The following GPR155 variants were observed in gnomAD, a reference collection of about 807,000 sequenced individuals.
The protein encoded by GPR155 is lysosomal cholesterol signaling protein.
Under a neutral mutation model 93.1 loss-of-function variants are expected in GPR155, and 65 were observed. The observed-to-expected ratio is 0.70, with a 90% CI of 0.57 to 0.86. The LOEUF (loss-of-function observed/expected upper bound fraction) is 0.86, where lower values mean the gene tolerates loss of function less well. GPR155 is among the 40% of genes least tolerant of loss of function. GPR155 has a pLI of 0.00. For synonymous variants in GPR155, 319 were observed against 360.1 expected, an observed-to-expected ratio of 0.89 and a Z score of 1.29; for missense variants, 838 against 1,034.8, an observed-to-expected ratio of 0.81 and a Z score of 2.61.
chr2:174,448,151 G>A (rs1315917272), intron 11 of GPR155, among the ~76,000 whole-genome samples: 2 of 152,038 alleles, frequency 1.3e-5, no homozygotes, highest in Non-Finnish European at 2.9e-5. Context: ...TGAGATGGGC[G>A]GATCACTTGA....
At chr2:174,485,978 C>A (rs1688466421) in intron 1 of GPR155, among the ~76,000 whole-genome samples, 1 of 152,196 alleles carries the variant, frequency 6.6e-6, no homozygotes, top group South Asian at 2.1e-4. Context: ...CATAAACGAA[C>A]CACTGATACT....
rs1241119894 is a variant in GPR155, at chr2:174,435,675, T to C, written c.*441A>G. 6.5e-6 allele frequency: 1 copy of C among 153,466 alleles called. No homozygotes were observed. Among genetic ancestry groups the C allele is most frequent in the African/African-American group, 2.4e-5 (1 of 41,414 alleles). The allele number at this position is 153,466 out of a possible 1,614,324, so 9.5% of individuals were successfully genotyped here. On this transcript the variant is annotated 3_prime_UTR_variant, in exon 16 of 16. Coordinates refer to ENST00000392552, the MANE Select transcript of GPR155 (RefSeq NM_152529.7). ...TTATAGTAGAGACGGGGTTTCGCCATGTTGGCCAGGCTGGTCTTGAACTCC... is the reference window on the plus strand; with the variant it reads ...TTATAGTAGAGACGGGGTTTCGCCACGTTGGCCAGGCTGGTCTTGAACTCC...
Position 174,432,620 on chromosome 2 carries a change from TAAA to T in GPR155, c.*3493_*3495del, listed in dbSNP as rs1265058579. The T allele has an allele frequency of 6.6e-6, 1 of 152,158 alleles. No homozygotes were observed. The highest frequency in any genetic ancestry group is 1.5e-5 in the Non-Finnish European group (1 of 68,028). 9.4% of individuals were successfully genotyped at this position (152,158 alleles called of 1,614,324 possible). ...ATTCAGAGTCATAATATGGTCTTAT[TAAA>T]AAAGGAAAGTTCCGCAGCAAGACAA... is the stretch of plus-strand genomic sequence containing the variant. On this transcript the variant is annotated 3_prime_UTR_variant, in exon 16 of 16. Coordinates refer to ENST00000392552, the MANE Select transcript of GPR155 (RefSeq NM_152529.7).
intron 7 of GPR155, among the ~76,000 whole-genome samples, chr2:174,463,048 G>A (rs1242360226): frequency 6.6e-6 from 1 of 151,768 alleles, no homozygotes; most frequent in Non-Finnish European, 1.5e-5. Flanking sequence ...CAGATTTGTG[G>A]ACCCCTAGGG....
In GPR155 at chr2:174,468,550, T is replaced by C. The variant is rs567178854; in HGVS notation, c.1182+362A>G. The stretch of plus-strand genomic sequence containing the variant: ...TTTGCAGAATGCTTTTCACATATAT[T>C]ATTTCATGTAACCCCTTAAAAAACC... On this transcript the variant is annotated intron_variant, in intron 5 of 15. Transcript: ENST00000392552. Among the ~76,000 whole-genome samples, 9 of 152,362 alleles carry C rather than the reference T, an allele frequency of 5.9e-5. No individual in the cohort carries two copies. In the South Asian group the frequency reaches 1.9e-3, roughly 32 times the overall value.
chr2:174,436,058 A>G lies in GPR155; in HGVS notation c.*58T>C, dbSNP rs901616460. The G allele has an allele frequency of 2.6e-5, 38 of 1,463,912 alleles. No individual in the cohort carries two copies. In the Middle Eastern group the frequency reaches 6.0e-4, roughly 23 times the overall value. 90.7% of individuals were successfully genotyped at this position (1,463,912 alleles called of 1,614,324 possible). A position where few individuals can be genotyped will look rare whatever the true frequency, so the allele number is the denominator to read the frequency against. On this transcript the variant is annotated 3_prime_UTR_variant, in exon 16 of 16. Coordinates refer to ENST00000392552, the MANE Select transcript of GPR155 (RefSeq NM_152529.7). The stretch of plus-strand genomic sequence containing the variant: ...TAACTTGCCCAAGGTCACCCAGCTA[A>G]AAACTAATGAATACGCGGCTAGAAT...
At chr2:174,470,584 C>G in intron 3 of GPR155, 29 bp from the exon 4 acceptor site, 1 of 1,600,798 alleles carries the variant, frequency 6.2e-7, no homozygotes, top group Non-Finnish European at 8.5e-7. Context: ...CATCATTTAC[C>G]TGATATCAAA....
chr2:174,470,667 A>AT, intron 3 of GPR155, 112 bp from the exon 4 acceptor site: 1 of 793,712 alleles, frequency 1.3e-6, no homozygotes, highest in East Asian at 2.6e-5. Flanking sequence ...AGGTATGTCT[A>AT]TTTGCATGCA....
At chr2:174,438,283 G>A (rs1219140609) in intron 15 of GPR155, among the ~76,000 whole-genome samples, 2 of 152,034 alleles carry the variant, frequency 1.3e-5, no homozygotes, top group Non-Finnish European at 2.9e-5. Flanking sequence ...CAAAGTGGCA[G>A]AGAATGTGAC....
rs2105649844 is a variant in GPR155 at position 174,432,894 on chromosome 2, G to A, written c.*3222C>T. 6.6e-6 allele frequency: 1 copy of A among 151,084 alleles called. No homozygotes were observed. The highest frequency in any genetic ancestry group is 1.5e-5 in the Non-Finnish European group (1 of 67,974). The allele number at this position is 151,084 out of a possible 1,614,324, so 9.4% of individuals were successfully genotyped here. A position where few individuals can be genotyped will look rare whatever the true frequency, so the allele number is the denominator to read the frequency against. The stretch of plus-strand genomic sequence containing the variant: ...TTCTCCTGCCTCAGCCTCCCGAGTA[G>A]CTGGGACTATAGGTGCCCACCACCA... On this transcript the variant is annotated 3_prime_UTR_variant, in exon 16 of 16. Coordinates refer to ENST00000392552, the MANE Select transcript of GPR155 (RefSeq NM_152529.7).
At chr2:174,459,114 A>G (rs757762037) in intron 10 of GPR155, among the ~76,000 whole-genome samples, 7 of 152,130 alleles carry the variant, frequency 4.6e-5, no homozygotes, top group South Asian at 2.1e-4. Flanking sequence ...CAAAGAAAAA[A>G]AACATTTTTA....
At chr2:174,476,646 T>A (rs1688175862) in intron 2 of GPR155, among the ~76,000 whole-genome samples, 1 of 151,936 alleles carries the variant, frequency 6.6e-6, no homozygotes, top group Admixed American at 6.6e-5. Context: ...TCTTTTAACA[T>A]CCACAGTCCA....
At chr2:174,456,965 T>C (rs1246702951) in intron 10 of GPR155, among the ~76,000 whole-genome samples, 1 of 152,224 alleles carries the variant, frequency 6.6e-6, no homozygotes, top group African/African-American at 2.4e-5. Flanking sequence ...TTAACAGGAA[T>C]GAAAGATTCT....
At chr2:174,474,882 A>G (rs1198974679) in intron 2 of GPR155, among the ~76,000 whole-genome samples, 3 of 152,166 alleles carry the variant, frequency 2.0e-5, no homozygotes, top group Non-Finnish European at 4.4e-5. Flanking sequence ...ATGGGTCCCG[A>G]AATTATACAA....
intron 11 of GPR155, among the ~76,000 whole-genome samples, chr2:174,448,607 G>A (rs1352984162): frequency 7.2e-6 from 1 of 139,346 alleles, no homozygotes. Context: ...GCGCAATCTC[G>A]GCTCACTGCA....
chr2:174,464,597 G>A (rs779639854), intron 7 of GPR155, among the ~76,000 whole-genome samples: 14 of 151,230 alleles, frequency 9.3e-5, no homozygotes, highest in Non-Finnish European at 1.6e-4. Context: ...GCTTGAAGGG[G>A]GTTTCAGAGA....
intron 9 of GPR155, among the ~76,000 whole-genome samples, chr2:174,460,761 T>G (rs1416992811): frequency 2.0e-5 from 3 of 152,230 alleles, no homozygotes; most frequent in Non-Finnish European, 2.9e-5. Context: ...TAAGATGTTT[T>G]TATGGTAATG....
chr2:174,466,959 C>T (rs1245976272), intron 5 of GPR155, among the ~76,000 whole-genome samples: 1 of 152,010 alleles, frequency 6.6e-6, no homozygotes, highest in African/African-American at 2.4e-5. Flanking sequence ...GAGTTCGAGA[C>T]CAGCCTGGCC....
At chr2:174,477,146 T>C (rs1688190318) in intron 2 of GPR155, among the ~76,000 whole-genome samples, 1 of 152,168 alleles carries the variant, frequency 6.6e-6, no homozygotes, top group Non-Finnish European at 1.5e-5. Flanking sequence ...TTTATATCCA[T>C]TTTTAAACTT....
Sources: gnomAD v4.1 joint callset for allele counts (sites outside exome capture counted in the v4.1 genomes callset) on GRCh38, gnomAD v4.1.1 for gene constraint, MANE v1.5 for transcripts, NCBI Gene and HGNC (gene_info 2026-07-23, HGNC 2026-07-21) for gene names.